The following GAK variants were observed in gnomAD, a reference collection of about 807,000 sequenced individuals.
The protein encoded by GAK is cyclin G associated kinase.
Under a neutral mutation model 143.9 loss-of-function variants are expected in GAK, and 79 were observed. The ratio of observed to expected loss-of-function variants is 0.55; its 90% confidence interval spans 0.46 to 0.66. GAK has a LOEUF of 0.66. GAK is among the 30% of genes least tolerant of loss of function. GAK has a pLI of 0.00. For missense variants in GAK, 1,693 were observed against 1,779.7 expected (o/e 0.95, Z 0.88); for synonymous variants, 881 against 765.5 (o/e 1.15, Z -2.49).
At chr4:919,268 A>G (rs1723549877) in intron 1 of GAK, among the ~76,000 whole-genome samples, 5 of 150,156 alleles carry the variant, frequency 3.3e-5, no homozygotes, top group Non-Finnish European at 5.9e-5. Flanking sequence ...AAGGCTCCAA[A>G]GGCCTCAGTG....
chr4:867,277 C>T lies in GAK; in HGVS notation c.2551G>A (p.Gly851Ser), dbSNP rs199550885. 70 of 1,612,870 alleles carry T rather than the reference C, an allele frequency of 4.3e-5. No individual in the cohort carries two copies. The highest frequency in any genetic ancestry group is 5.3e-5 in the African/African-American group (4 of 74,912). Residue 851 changes from glycine (G) to serine (S), a missense_variant, in exon 21 of 28, where the codon GGC (glycine) becomes AGC (serine). By Grantham distance (56) the Gly-to-Ser change is moderately conservative (BLOSUM62 0). Coordinates refer to ENST00000314167, the MANE Select transcript of GAK (RefSeq NM_005255.4). ...TGCTGCACCAGCCCTGCTGCCAGGC[C>T]GGGGGGCTCTGGGTCGGCCCTGGGT... ...QEPRADPEPP[G>S]LAAGLVQQDL...
chr4:884,251 GGCTGTGTGCGT>G (rs1189496485), intron 11 of GAK, 165 bp from the exon 12 acceptor site: 3 of 611,390 alleles, frequency 4.9e-6, no homozygotes, highest in Non-Finnish European at 5.8e-6. Flanking sequence ...GCAGCTTCCC[GGCTGTGTGCGT>G]GCTGTGGAGC....
chr4:888,774 A>C, intron 11 of GAK, 73 bp downstream of exon 11: 1 of 1,530,910 alleles, frequency 6.5e-7, no homozygotes, highest in Middle Eastern at 1.7e-4. Context: ...CACCGCAGCC[A>C]GGAAGCAAGG....
rs748055029 is a variant in GAK, at chr4:877,788, G to A, written c.1683C>T (p.Asp561=). ...GTGTGATGGGCTCCTCCGCCACCAT[G>A]TCACACATGTACTCGATGTACCTGG... ...SHKRYIEYMC[D]MVAEEPITPH... The change falls in exon 16 of 28, where the codon GAC becomes GAT. Residue 561 remains aspartate, a synonymous_variant. Transcript: ENST00000314167. The A allele has an allele frequency of 4.4e-6, 7 of 1,607,974 alleles. No homozygotes were observed. Among genetic ancestry groups the A allele is most frequent in the Non-Finnish European group, 5.9e-6 (7 of 1,177,268 alleles).
rs768876539 is a variant in GAK, at chr4:859,444, G to A, written c.3283+162C>T. On this transcript the variant is annotated intron_variant, in intron 24 of 27. Coordinates refer to ENST00000314167, the MANE Select transcript of GAK (RefSeq NM_005255.4). ...TGCCAGTTGGCAGTCGCCTGGAACAGGTGCAGACACGCTGTCCCCTTGGGC... is the reference window on the plus strand; with the variant it reads ...TGCCAGTTGGCAGTCGCCTGGAACAAGTGCAGACACGCTGTCCCCTTGGGC... 5 of 1,588,074 alleles carry A rather than the reference G, an allele frequency of 3.1e-6. No homozygotes were observed. The South Asian group carries it at 5.6e-5, about 18-fold the overall frequency.
At chr4:849,834 A>ACCCCCCCCCCCCCCCCCCCCCCCCAGGCC (rs33919242) in intron 27 of GAK, 58 bp downstream of exon 27, 2 of 948,394 alleles carry the variant, frequency 2.1e-6, no homozygotes, top group Admixed American at 2.5e-5. Context: ...GCGGGGCAGG[A>ACCCCCCCCCCCCCCCCCCCCCCCCAGGCC]CCCCCCCCCC....
chr4:932,312 T>G lies in GAK; in HGVS notation c.-125A>C. 1 of 1,375,734 alleles carries G rather than the reference T, an allele frequency of 7.3e-7. No homozygotes were observed. The highest frequency in any genetic ancestry group is 9.3e-7 in the Non-Finnish European group (1 of 1,071,292). 85.2% of individuals were successfully genotyped at this position (1,375,734 alleles called of 1,614,324 possible). A position where few individuals can be genotyped will look rare whatever the true frequency, so the allele number is the denominator to read the frequency against. ...TGCACCATCTTCCGCCTCGACGCCG[T>G]GACGTAGGCGCCCGTGAGGACGCGT... On this transcript the variant is annotated 5_prime_UTR_variant, in exon 1 of 28. Transcript: ENST00000314167. This position sits in a 1 kb window ranked among gnomAD's most constrained non-coding sequence, Gnocchi z 4.0.
Position 898,164 on chromosome 4 carries a change from A to G in GAK, c.526-6T>C, listed in dbSNP as rs1719166958. ...CTAAGCAACAAGTTCTCAACCTGTAAAATTCCACAAGACAGCCCCGTGAAC... is the reference window on the plus strand; with the variant it reads ...CTAAGCAACAAGTTCTCAACCTGTAGAATTCCACAAGACAGCCCCGTGAAC... On this transcript the variant is annotated splice_polypyrimidine_tract_variant and splice_region_variant and intron_variant, in intron 5 of 27. Coordinates refer to ENST00000314167, the MANE Select transcript of GAK (RefSeq NM_005255.4). 1 of 1,613,728 alleles carries G rather than the reference A, an allele frequency of 6.2e-7. No individual in the cohort carries two copies. The highest frequency in any genetic ancestry group is 8.5e-7 in the Non-Finnish European group (1 of 1,179,786).
At chr4:901,975 C>T (rs553643813) in intron 5 of GAK, among the ~76,000 whole-genome samples, 50 of 152,336 alleles carry the variant, frequency 3.3e-4, no homozygotes, top group Non-Finnish European at 1.8e-4. Context: ...TGGTGTCTCA[C>T]GCCTGTAATC....
At chr4:918,354 C>G (rs1258043651) in intron 1 of GAK, among the ~76,000 whole-genome samples, 5 of 152,178 alleles carry the variant, frequency 3.3e-5, no homozygotes, top group Non-Finnish European at 4.4e-5. Flanking sequence ...CACTGTAAGC[C>G]AACATTTTAC....
Position 849,792 on chromosome 4 carries a change from T to C in GAK, c.3835-18A>G, listed in dbSNP as rs1379199943. The C allele has an allele frequency of 1.2e-6, 2 of 1,604,824 alleles. No homozygotes were observed. Among genetic ancestry groups the C allele is most frequent in the South Asian group, 1.1e-5 (1 of 90,500 alleles). ...CCCGCAGCCTATGGGTGACAGGCGG[T>C]GTAAGCGCCTCTTATAAGCATGCGG... On this transcript the variant is annotated intron_variant, in intron 27 of 27. Transcript: ENST00000314167.
intron 25 of GAK, 147 bp from the exon 26 acceptor site, chr4:851,231 G>A: frequency 1.6e-6 from 1 of 617,842 alleles, no homozygotes; most frequent in East Asian, 3.0e-5. Flanking sequence ...CCAAGTAGCT[G>A]GGACCACAGG....
At chr4:884,768 A>C (rs1715924356) in intron 11 of GAK, among the ~76,000 whole-genome samples, 1 of 152,234 alleles carries the variant, frequency 6.6e-6, no homozygotes, top group African/African-American at 2.4e-5. Context: ...GGGAAGGAGC[A>C]GAAGGGAGCC....
At chr4:897,070 A>G (rs1332442308) in intron 6 of GAK, among the ~76,000 whole-genome samples, 2 of 152,196 alleles carry the variant, frequency 1.3e-5, no homozygotes, top group African/African-American at 4.8e-5. Flanking sequence ...GGGGCCACAG[A>G]GCTGTGAGGA....
At chr4:920,746 G>C (rs927027089) in intron 1 of GAK, among the ~76,000 whole-genome samples, 2 of 151,796 alleles carry the variant, frequency 1.3e-5, no homozygotes, top group Non-Finnish European at 2.9e-5. Context: ...GTTTCACCAT[G>C]TTGGCCAGGA....
In GAK at chr4:850,922, G is replaced by GGGA. The variant is rs569155402; in HGVS notation, c.3657+13_3657+14insTCC. On this transcript the variant is annotated intron_variant, in intron 26 of 27. Transcript: ENST00000314167. Reference sequence around the variant, plus strand: ...GGCCTCTGGGCTCCCAGGAAGAGCTGCCCACCCACCCACCTTCAGCTTGAG... The same window carrying GGGA: ...GGCCTCTGGGCTCCCAGGAAGAGCTGGGACCCACCCACCCACCTTCAGCTTGAG... The GGGA allele has an allele frequency of 1.1e-4, 183 of 1,608,720 alleles. No homozygotes were observed. The East Asian group carries it at 3.7e-3, about 33-fold the overall frequency.
intron 1 of GAK, among the ~76,000 whole-genome samples, chr4:930,725 A>G (rs1455473258): frequency 6.6e-6 from 1 of 152,144 alleles, no homozygotes; most frequent in East Asian, 1.9e-4. Flanking sequence ...GTGAAAGAAT[A>G]TCACACTTCA....
At chr4:921,283 A>G (rs1723886346) in intron 1 of GAK, among the ~76,000 whole-genome samples, 1 of 152,082 alleles carries the variant, frequency 6.6e-6, no homozygotes, top group South Asian at 2.1e-4. Context: ...TTGTATTTTT[A>G]GTAGAGACGG....
chr4:898,582 C>T (rs1719252642), intron 5 of GAK, among the ~76,000 whole-genome samples: 1 of 152,220 alleles, frequency 6.6e-6, no homozygotes, highest in Non-Finnish European at 1.5e-5. Flanking sequence ...GGCTCACAGG[C>T]CGGGCGTGGT....
Sources: allele counts gnomAD v4.1 joint callset (sites outside exome capture counted in the v4.1 genomes callset), GRCh38; gene constraint gnomAD v4.1.1; non-coding constraint Gnocchi (gnomAD v3.1); transcripts MANE v1.5; gene names NCBI Gene and HGNC (gene_info 2026-07-23, HGNC 2026-07-21).